The following MAGI2 variants were observed in gnomAD, a reference collection of about 807,000 sequenced individuals.
The protein encoded by MAGI2 is membrane-associated guanylate kinase, WW and PDZ domain-containing protein 2.
A neutral mutation model predicts 133.3 loss-of-function variants in MAGI2; 35 were observed. That is an observed-to-expected ratio of 0.26 (90% confidence interval 0.20 to 0.35). The LOEUF (loss-of-function observed/expected upper bound fraction) is 0.35, where lower values mean the gene tolerates loss of function less well. Ranked by LOEUF, MAGI2 falls within the 10% of genes least tolerant of loss-of-function variation. MAGI2 has a pLI of 1.00. For synonymous variants in MAGI2, 729 were observed against 710.6 expected (o/e 1.03, Z -0.41); for missense variants, 1,636 against 1,863.4 (o/e 0.88, Z 2.25).
chr7:79,016,948 C>A (rs1169523505), intron 1 of MAGI2, among the ~76,000 whole-genome samples: 3 of 152,256 alleles, frequency 2.0e-5, no homozygotes, highest in African/African-American at 7.2e-5. Flanking sequence ...CATTTTTGCC[C>A]ATGCAAATGC....
At position 78,651,970 on chromosome 7, in the gene MAGI2, T is replaced by C. The variant is rs573326593; in HGVS notation, c.419-24731A>G. 0.025 allele frequency among the ~76,000 whole-genome samples: 51 copies of C among 2,004 alleles called. No individual in the cohort carries two copies. The African/African-American group carries it at 0.27, about 11-fold the overall frequency. 1.3% of individuals were successfully genotyped at this position (2,004 alleles called of 152,430 possible). A position where few individuals can be genotyped will look rare whatever the true frequency, so the allele number is the denominator to read the frequency against. ...AAGCATTTTGTGGTGTAAACACCAT[T>C]GAAACATCAGAACTATGTTCTGTAT... On this transcript the variant is annotated intron_variant, in intron 2 of 21. Coordinates refer to ENST00000354212, the MANE Select transcript of MAGI2 (RefSeq NM_012301.4).
chr7:79,342,673 T>C (rs1840988095), intron 1 of MAGI2, among the ~76,000 whole-genome samples: 1 of 152,220 alleles, frequency 6.6e-6, no homozygotes, highest in African/African-American at 2.4e-5. Flanking sequence ...TTGTTTATTT[T>C]ACTTTTTCTT....
intron 2 of MAGI2, among the ~76,000 whole-genome samples, chr7:78,744,513 G>A (rs1244150644): frequency 6.6e-6 from 1 of 151,942 alleles, no homozygotes; most frequent in Non-Finnish European, 1.5e-5. Context: ...TTCATTCCCT[G>A]CTAGTCCCAC....
In MAGI2 at chr7:79,136,249, TG is replaced by T. The variant is rs539662889; in HGVS notation, c.302-129044del. On this transcript the variant is annotated intron_variant, in intron 1 of 21. Transcript: ENST00000354212. ...TCTTTCCTATTTCCATCCAACACTATGTACAAGGTAAAAGGTTTTCAGTCAG... is the reference window on the plus strand; with the variant it reads ...TCTTTCCTATTTCCATCCAACACTATTACAAGGTAAAAGGTTTTCAGTCAG... Among the ~76,000 whole-genome samples the T allele has an allele frequency of 1.1e-4, 17 of 152,300 alleles. No homozygotes were observed. In the South Asian group the frequency reaches 3.3e-3, roughly 30 times the overall value.
chr7:78,037,520 G>A (rs1298973314), intron 21 of MAGI2, among the ~76,000 whole-genome samples: 1 of 152,162 alleles, frequency 6.6e-6, no homozygotes, highest in Non-Finnish European at 1.5e-5. Flanking sequence ...GTGTCAATTT[G>A]TGTAGCATTT....
chr7:78,544,436 G>T (rs1798653561), intron 3 of MAGI2, among the ~76,000 whole-genome samples: 1 of 152,176 alleles, frequency 6.6e-6, no homozygotes, highest in Non-Finnish European at 1.5e-5. Flanking sequence ...TGGCAAGAGT[G>T]TTTGTTACTT....
intron 1 of MAGI2, among the ~76,000 whole-genome samples, chr7:79,160,779 T>C (rs987869907): frequency 1.3e-5 from 2 of 152,062 alleles, no homozygotes; most frequent in African/African-American, 4.8e-5. Context: ...ATATGCTTCA[T>C]ATGCAAGCCA....
At chr7:78,160,446 C>A (rs955737707) in intron 15 of MAGI2, among the ~76,000 whole-genome samples, 173 bp from the exon 16 acceptor site, 2 of 152,220 alleles carry the variant, frequency 1.3e-5, no homozygotes, top group Non-Finnish European at 2.9e-5. Flanking sequence ...AGGCGTGGAG[C>A]TCCCAAGGTC....
intron 20 of MAGI2, among the ~76,000 whole-genome samples, chr7:78,103,112 A>C (rs184739439): frequency 2.0e-4 from 31 of 152,282 alleles, no homozygotes; most frequent in Non-Finnish European, 4.0e-4. Flanking sequence ...CACCTCTTTT[A>C]GGGAATCTCC....
At chr7:79,301,691 G>A (rs1837407428) in intron 1 of MAGI2, among the ~76,000 whole-genome samples, 1 of 152,176 alleles carries the variant, frequency 6.6e-6, no homozygotes, top group South Asian at 2.1e-4. Flanking sequence ...ATTGTATTTT[G>A]CAAGTGAAAA....
chr7:78,312,177 G>A (rs1798767645), intron 9 of MAGI2, among the ~76,000 whole-genome samples: 1 of 152,006 alleles, frequency 6.6e-6, no homozygotes, highest in Non-Finnish European at 1.5e-5. Context: ...TGGTTGAATG[G>A]AGGCTGTGGA....
At chr7:78,787,061 C>T (rs1483865796) in intron 2 of MAGI2, among the ~76,000 whole-genome samples, 1 of 151,976 alleles carries the variant, frequency 6.6e-6, no homozygotes, top group Non-Finnish European at 1.5e-5. Context: ...GATTTTCCTG[C>T]CTCAGCCTCC....
intron 2 of MAGI2, among the ~76,000 whole-genome samples, chr7:78,951,871 T>C (rs1196312688): frequency 6.6e-6 from 1 of 152,170 alleles, no homozygotes; most frequent in Non-Finnish European, 1.5e-5. Context: ...TGTTATCACA[T>C]CCTCTACACT....
chr7:78,522,390 T>C (rs1796578947), intron 3 of MAGI2, among the ~76,000 whole-genome samples: 1 of 152,240 alleles, frequency 6.6e-6, no homozygotes, highest in Admixed American at 6.5e-5. Flanking sequence ...TATTATTTCA[T>C]TTTATTGAGA....
chr7:78,689,562 G>A lies in MAGI2; in HGVS notation c.419-62323C>T, dbSNP rs561805986. On this transcript the variant is annotated intron_variant, in intron 2 of 21. Transcript: ENST00000354212. ...CATACTCCTTCGCAGTTTTCTCTCT[G>A]TCTCGCCCACATGACCGTCAGGCAA... Among the ~76,000 whole-genome samples the A allele has an allele frequency of 5.3e-4, 81 of 151,796 alleles. No individual in the cohort carries two copies. The South Asian group carries it at 9.1e-3, about 17-fold the overall frequency.
chr7:78,637,418 CATG>C lies in MAGI2; in HGVS notation c.419-10182_419-10180del, dbSNP rs539987498. 2.8e-4 allele frequency among the ~76,000 whole-genome samples: 41 copies of C among 145,438 alleles called. 1 individual carries two copies. Among genetic ancestry groups the C allele is most frequent in the Admixed American group, 2.5e-3 (35 of 14,184 alleles). On this transcript the variant is annotated intron_variant, in intron 2 of 21. Transcript: ENST00000354212. ...TGACTATAGCTCACCAGCAGTGATA[CATG>C]ATAATATGTTAAAAAAAAAAATAAG...
chr7:78,413,784 G>T (rs1221341369), intron 6 of MAGI2, among the ~76,000 whole-genome samples: 1 of 151,998 alleles, frequency 6.6e-6, no homozygotes, highest in Non-Finnish European at 1.5e-5. Flanking sequence ...CTACACACGG[G>T]CCAAGGAAGA....
Position 79,189,312 on chromosome 7 carries a change from C to CAA in MAGI2, c.302-182108_302-182107dup, listed in dbSNP as rs34814587. On this transcript the variant is annotated intron_variant, in intron 1 of 21. Transcript: ENST00000354212. ...TGTTAATGTTTGCCATTTTTATAGG[C>CAA]AAAAAAAAAAAAAAAAAAAAATGGC... Among the ~76,000 whole-genome samples the CAA allele has an allele frequency of 8.7e-3, 645 of 74,230 alleles. 13 individuals carry two copies. The highest frequency in any genetic ancestry group is 0.025 in the African/African-American group (589 of 23,790). 48.7% of individuals were successfully genotyped at this position (74,230 alleles called of 152,430 possible). A position where few individuals can be genotyped will look rare whatever the true frequency, so the allele number is the denominator to read the frequency against.
chr7:79,171,770 A>ATATATTTT, intron 1 of MAGI2, among the ~76,000 whole-genome samples: 12 of 31,226 alleles, frequency 3.8e-4, no homozygotes, highest in South Asian at 8.1e-4. Context: ...ATATATATAT[A>ATATATTTT]TTTTTTTTTT....
Sources: allele counts gnomAD v4.1 joint callset (sites outside exome capture counted in the v4.1 genomes callset), GRCh38; gene constraint gnomAD v4.1.1; transcripts MANE v1.5; gene names NCBI Gene and HGNC (gene_info 2026-07-23, HGNC 2026-07-21).